AKAP13: variants seen among roughly 807,000 people sequenced by gnomAD.
AKAP13 encodes A-kinase anchor protein 13.
AKAP13 carries 80 observed loss-of-function variants against 264.5 expected under a neutral mutation model. The ratio of observed to expected loss-of-function variants is 0.30; its 90% CI spans 0.25 to 0.36. The LOEUF is 0.36. Among genes scored for constraint, AKAP13 ranks in the 10% least tolerant of loss-of-function variants. The pLI is 1.00. For missense variants in AKAP13, 3,712 were observed against 3,435.2 expected (o/e 1.08, Z -2.01); for synonymous variants, 1,380 against 1,250.2 (o/e 1.10, Z -2.19).
intron 1 of AKAP13, among the ~76,000 whole-genome samples, chr15:85,442,535 A>G (rs1486133310): frequency 1.6e-5 from 2 of 127,132 alleles, no homozygotes; most frequent in East Asian, 2.1e-4. Flanking sequence ...TATATATAAT[A>G]TATATTATAT....
At chr15:85,655,212 A>G (rs1372814364) in intron 10 of AKAP13, among the ~76,000 whole-genome samples, 2 of 152,180 alleles carry the variant, frequency 1.3e-5, no homozygotes, top group African/African-American at 2.4e-5. Context: ...AAAAAAGAGG[A>G]TAGATCTAGA....
intron 1 of AKAP13, among the ~76,000 whole-genome samples, chr15:85,474,504 G>A (rs1423685670): frequency 6.6e-6 from 1 of 152,180 alleles, no homozygotes; most frequent in Non-Finnish European, 1.5e-5. Context: ...CTGTCTAAGG[G>A]ATTACTCATG....
intron 3 of AKAP13, among the ~76,000 whole-genome samples, chr15:85,522,005 TA>T (rs1567102938): frequency 6.6e-6 from 1 of 152,106 alleles, no homozygotes; most frequent in East Asian, 1.9e-4. Context: ...TTCTGAAGAG[TA>T]TTAGATATCC....
chr15:85,744,553 T>G (rs749175772), intron 36 of AKAP13, 75 bp from the exon 37 acceptor site: 14 of 1,512,858 alleles, frequency 9.3e-6, no homozygotes, highest in Admixed American at 1.7e-5. Flanking sequence ...ACAGAAGACT[T>G]TGGGATGGGG....
chr15:85,424,427 A>T (rs538301410), intron 1 of AKAP13, among the ~76,000 whole-genome samples: 3 of 152,306 alleles, frequency 2.0e-5, no homozygotes, highest in African/African-American at 7.2e-5. Context: ...CTAGCTTGCT[A>T]GCTTTTCTTC....
chr15:85,472,372 A>G (rs1255393536), intron 1 of AKAP13, among the ~76,000 whole-genome samples: 1 of 152,008 alleles, frequency 6.6e-6, no homozygotes, highest in African/African-American at 2.4e-5. Flanking sequence ...ACAACAACTC[A>G]ACAAATTTTC....
intron 5 of AKAP13, among the ~76,000 whole-genome samples, chr15:85,559,178 C>T (rs2078262295): frequency 6.6e-6 from 1 of 152,096 alleles, no homozygotes; most frequent in Non-Finnish European, 1.5e-5. Flanking sequence ...GTTTCTCAGC[C>T]TCACTAAGTG....
chr15:85,725,093 A>G (rs1237297565), intron 26 of AKAP13, among the ~76,000 whole-genome samples: 2 of 152,178 alleles, frequency 1.3e-5, no homozygotes, highest in African/African-American at 2.4e-5. Flanking sequence ...TTTCCTTTAC[A>G]TAGCAATTTA....
At chr15:85,561,778 T>C (rs1198920876) in intron 5 of AKAP13, among the ~76,000 whole-genome samples, 1 of 152,150 alleles carries the variant, frequency 6.6e-6, no homozygotes, top group African/African-American at 2.4e-5. Context: ...GGGAGTGAAG[T>C]AGCCCCTCAG....
chr15:85,717,222 C>A, intron 20 of AKAP13, 68 bp from the exon 21 acceptor site: 1 of 990,690 alleles, frequency 1.0e-6, no homozygotes, highest in South Asian at 1.5e-5. Flanking sequence ...TTCAGGTACT[C>A]ATTTAAGAAT....
rs2088147695 is a variant in AKAP13 at position 85,732,772 on chromosome 15, T to A, written c.7282+2065T>A. ...TATTACTAATTACTATTGCTAATAC[T>A]GTTAGTAATACTAATAGTATTACTA... On this transcript the variant is annotated intron_variant, in intron 30 of 36. Transcript: ENST00000394518. Among the ~76,000 whole-genome samples the A allele has an allele frequency of 2.0e-5, 3 of 150,302 alleles. No homozygotes were observed. The South Asian group carries it at 6.3e-4, about 31-fold the overall frequency.
intron 4 of AKAP13, chr15:85,535,523 A>C (rs2077360797): frequency 6.6e-6 from 1 of 152,224 alleles, no homozygotes; most frequent in Admixed American, 6.5e-5. Flanking sequence ...AAAGGCACTC[A>C]TGCCTTATAT....
chr15:85,647,726 A>G (rs1022738074), intron 10 of AKAP13, among the ~76,000 whole-genome samples: 2 of 152,108 alleles, frequency 1.3e-5, no homozygotes, highest in Non-Finnish European at 2.9e-5. Context: ...CGGGCTGATC[A>G]TGAGGTCAGG....
chr15:85,408,383 C>T (rs1012747105), intron 1 of AKAP13, among the ~76,000 whole-genome samples: 1 of 151,856 alleles, frequency 6.6e-6, no homozygotes, highest in Non-Finnish European at 1.5e-5. Flanking sequence ...GCATTTAGCT[C>T]TTTCACATTG....
chr15:85,590,200 A>G (rs569414432), intron 8 of AKAP13, among the ~76,000 whole-genome samples: 2 of 152,324 alleles, frequency 1.3e-5, no homozygotes, highest in South Asian at 4.1e-4. Context: ...CCTGTATCTT[A>G]TGCTTTGCTA....
At chr15:85,569,515 C>G (rs1170352288) in intron 5 of AKAP13, among the ~76,000 whole-genome samples, 1 of 142,384 alleles carries the variant, frequency 7.0e-6, no homozygotes, top group Non-Finnish European at 1.5e-5. Flanking sequence ...TGCAATGCAT[C>G]GATCTCGGCT....
At position 85,691,081 on chromosome 15, in the gene AKAP13, T is replaced by C. The variant is rs184653819; in HGVS notation, c.5290-2196T>C. Among the ~76,000 whole-genome samples the C allele has an allele frequency of 2.6e-3, 393 of 152,324 alleles. 2 individuals carry two copies. Among genetic ancestry groups the C allele is most frequent in the African/African-American group, 8.4e-3 (348 of 41,560 alleles). ...GCTCACCCTGCCCACTTCAGAGTTA[T>C]TGAGTCAGACGAAATGATGTATGTA... On this transcript the variant is annotated intron_variant, in intron 16 of 36. Coordinates refer to ENST00000394518, the MANE Select transcript of AKAP13 (RefSeq NM_007200.5).
intron 17 of AKAP13, among the ~76,000 whole-genome samples, chr15:85,699,430 G>A (rs2085771900): frequency 6.7e-6 from 1 of 149,162 alleles, no homozygotes. Flanking sequence ...CGCAACAAGA[G>A]TGAAACTCTA....
intron 1 of AKAP13, among the ~76,000 whole-genome samples, chr15:85,382,698 T>G (rs956353451): frequency 2.0e-5 from 3 of 152,236 alleles, no homozygotes; most frequent in Non-Finnish European, 2.9e-5. Context: ...GCACACATAC[T>G]ATACTATAAA....
Sources: gnomAD v4.1 joint callset for allele counts (sites outside exome capture counted in the v4.1 genomes callset) on GRCh38, gnomAD v4.1.1 for gene constraint, MANE v1.5 for transcripts, NCBI Gene and HGNC (gene_info 2026-07-23, HGNC 2026-07-21) for gene names.